The following UBE3D variants were observed in gnomAD, a reference collection of about 807,000 sequenced individuals.
UBE3D encodes the protein ubiquitin protein ligase E3D, also known as E3 ubiquitin-protein ligase E3D.
In UBE3D, 48 loss-of-function variants were observed where a neutral mutation model predicts 49.6. That is an observed-to-expected ratio of 0.97 (90% confidence interval 0.77 to 1.23). UBE3D has a LOEUF of 1.23. Ranked by LOEUF, UBE3D falls within the 50% of genes most tolerant of loss-of-function variation. UBE3D has a pLI of 0.00. For missense variants in UBE3D, 452 were observed against 468.4 expected, an observed-to-expected ratio of 0.96 and a Z score of 0.32; for synonymous variants, 189 against 174.2, an observed-to-expected ratio of 1.08 and a Z score of -0.67.
chr6:82,891,185 T>C (rs925599371), downstream of UBE3D, among the ~76,000 whole-genome samples: 5 of 152,222 alleles, frequency 3.3e-5, no homozygotes, highest in Non-Finnish European at 5.9e-5. Context: ...ATATCTTCCA[T>C]AGCAGTGGTT....
At chr6:83,025,882 T>TAACAA (rs1781422551) in intron 5 of UBE3D, among the ~76,000 whole-genome samples, 1 of 90,340 alleles carries the variant, frequency 1.1e-5, no homozygotes, top group African/African-American at 4.3e-5. Flanking sequence ...GACTCCATCT[T>TAACAA]AAAAAAAAAA....
intron 8 of UBE3D, among the ~76,000 whole-genome samples, chr6:82,995,023 G>A (rs1004434554): frequency 9.2e-5 from 14 of 152,104 alleles, no homozygotes; most frequent in African/African-American, 3.4e-4. Flanking sequence ...GAGCAGATGA[G>A]CTTAGCAAAG....
chr6:82,948,994 A>G (rs1034290693), intron 9 of UBE3D, among the ~76,000 whole-genome samples: 1 of 152,076 alleles, frequency 6.6e-6, no homozygotes, highest in African/African-American at 2.4e-5. Context: ...CTGTTATTCA[A>G]CATAGTACTG....
At chr6:82,933,864 A>G (rs981483390) in intron 9 of UBE3D, among the ~76,000 whole-genome samples, 1 of 152,202 alleles carries the variant, frequency 6.6e-6, no homozygotes, top group African/African-American at 2.4e-5. Flanking sequence ...CCAGAAGCAC[A>G]CAGTGTGGAG....
intron 8 of UBE3D, among the ~76,000 whole-genome samples, chr6:82,978,620 G>A (rs1317430773): frequency 6.6e-6 from 1 of 152,050 alleles, no homozygotes. Flanking sequence ...CTAGCCTTGG[G>A]GAAGTTATTG....
intron 8 of UBE3D, chr6:83,017,204 T>C (rs1780755538): frequency 6.6e-6 from 1 of 152,160 alleles, no homozygotes; most frequent in Non-Finnish European, 1.5e-5. Flanking sequence ...AAACTTTTAT[T>C]CCTCTAATAA....
intron 9 of UBE3D, among the ~76,000 whole-genome samples, chr6:82,943,714 T>C (rs1026749223): frequency 2.0e-5 from 3 of 152,152 alleles, no homozygotes; most frequent in Non-Finnish European, 2.9e-5. Flanking sequence ...TTTAACTTCA[T>C]ATCACTGAAA....
At chr6:83,026,052 A>G (rs1781438637) in intron 5 of UBE3D, among the ~76,000 whole-genome samples, 1 of 152,120 alleles carries the variant, frequency 6.6e-6, no homozygotes, top group African/African-American at 2.4e-5. Context: ...CTAAAAATTG[A>G]GGATGGGTTA....
At chr6:82,975,279 G>C (rs1453427389) in intron 8 of UBE3D, among the ~76,000 whole-genome samples, 2 of 152,054 alleles carry the variant, frequency 1.3e-5, no homozygotes, top group African/African-American at 4.8e-5. Context: ...CCTAAATGAT[G>C]ACTGTAGATT....
chr6:82,997,769 T>G (rs933473323), intron 8 of UBE3D, among the ~76,000 whole-genome samples: 10 of 152,188 alleles, frequency 6.6e-5, no homozygotes, highest in African/African-American at 1.7e-4. Context: ...TGTATATACT[T>G]CCAGGGGCAT....
At chr6:83,008,767 T>G (rs759047363) in intron 8 of UBE3D, among the ~76,000 whole-genome samples, 2 of 152,174 alleles carry the variant, frequency 1.3e-5, no homozygotes, top group African/African-American at 2.4e-5. Flanking sequence ...CTACAGCTTG[T>G]TCAGTCACAC....
At chr6:83,060,137 G>C (rs1784080123) in intron 1 of UBE3D, among the ~76,000 whole-genome samples, 1 of 152,078 alleles carries the variant, frequency 6.6e-6, no homozygotes, top group Non-Finnish European at 1.5e-5. Context: ...ATCACTTTGG[G>C]GGTTAGGGCT....
intron 5 of UBE3D, chr6:83,038,042 A>C (rs1451293738): frequency 6.5e-6 from 1 of 152,834 alleles, no homozygotes; most frequent in African/African-American, 2.4e-5. Flanking sequence ...AGTTACCAGG[A>C]AGGTAAAATT....
At chr6:83,008,341 G>A (rs1456902939) in intron 8 of UBE3D, among the ~76,000 whole-genome samples, 1 of 152,136 alleles carries the variant, frequency 6.6e-6, no homozygotes, top group Non-Finnish European at 1.5e-5. Context: ...TTAATATAGA[G>A]TCTAAAGCCA....
intron 9 of UBE3D, among the ~76,000 whole-genome samples, chr6:82,949,271 TACAA>T (rs1279268348): frequency 6.6e-6 from 1 of 151,892 alleles, no homozygotes; most frequent in Non-Finnish European, 1.5e-5. Flanking sequence ...TTACAATAGC[TACAA>T]ACAGAGTAAA....
At chr6:82,904,624 A>G (rs1771967746) in intron 9 of UBE3D, among the ~76,000 whole-genome samples, 4 of 152,220 alleles carry the variant, frequency 2.6e-5, no homozygotes, top group Admixed American at 6.5e-5. Context: ...ATATTATTAT[A>G]CTAAACCTAA....
intron 8 of UBE3D, among the ~76,000 whole-genome samples, chr6:82,969,417 G>A (rs940655291): frequency 6.6e-6 from 1 of 152,042 alleles, no homozygotes; most frequent in African/African-American, 2.4e-5. Flanking sequence ...AACCAACCTG[G>A]GCAACATAGT....
intron 8 of UBE3D, among the ~76,000 whole-genome samples, chr6:82,983,958 T>A (rs1211188167): frequency 6.6e-6 from 1 of 152,138 alleles, no homozygotes; most frequent in Admixed American, 6.5e-5. Flanking sequence ...TTTTTAGAGA[T>A]GGTTTAAATC....
At chr6:82,943,818 G>A (rs945864150) in intron 9 of UBE3D, among the ~76,000 whole-genome samples, 4 of 152,000 alleles carry the variant, frequency 2.6e-5, no homozygotes, top group African/African-American at 9.7e-5. Context: ...TCTTGAAGGG[G>A]GAGAGTGCAG....
Sources: allele counts gnomAD v4.1 joint callset (sites outside exome capture counted in the v4.1 genomes callset), GRCh38; gene constraint gnomAD v4.1.1; transcripts MANE v1.5; gene names NCBI Gene and HGNC (gene_info 2026-07-23, HGNC 2026-07-21).